Variants in ZDHHC21 observed in about 807,000 individuals in gnomAD.
The protein encoded by ZDHHC21 is zDHHC palmitoyltransferase 21.
A neutral mutation model predicts 34.6 loss-of-function variants in ZDHHC21; 15 were observed. The observed-to-expected ratio is 0.43, with a 90% CI of 0.29 to 0.67. ZDHHC21 has a LOEUF of 0.67. Ranked by LOEUF, ZDHHC21 falls within the 30% of genes least tolerant of loss-of-function variation. The pLI is 0.14. For missense variants in ZDHHC21, 344 were observed against 327.7 expected (o/e 1.05, Z -0.38); for synonymous variants, 142 against 101.8 (o/e 1.40, Z -2.38).
chr9:14,633,798 T>C (rs968994774), intron 8 of ZDHHC21, among the ~76,000 whole-genome samples: 8 of 152,082 alleles, frequency 5.3e-5, no homozygotes, highest in Admixed American at 5.2e-4. Flanking sequence ...CAGGCTGAAG[T>C]ACAAGCAAAG....
the ZDHHC21 span, among the ~76,000 whole-genome samples, chr9:14,600,783 G>A: frequency 2.0e-5 from 3 of 152,138 alleles, no homozygotes; most frequent in African/African-American, 7.2e-5. Flanking sequence ...AAACAGCATG[G>A]TACTGGTATG....
intron 6 of ZDHHC21, 31 bp from the exon 7 acceptor site, chr9:14,658,918 T>C: frequency 5.0e-6 from 8 of 1,589,974 alleles, no homozygotes; most frequent in Non-Finnish European, 6.8e-6. Context: ...AGAAACAATA[T>C]TTTAAATTTC....
intron 7 of ZDHHC21, among the ~76,000 whole-genome samples, chr9:14,657,264 C>T (rs945805459): frequency 2.6e-5 from 4 of 152,134 alleles, no homozygotes; most frequent in Admixed American, 6.5e-5. Context: ...TGTTTCCTCC[C>T]TCTGAGAGTT....
chr9:14,657,400 G>T (rs1832439967), intron 7 of ZDHHC21, among the ~76,000 whole-genome samples: 1 of 152,050 alleles, frequency 6.6e-6, no homozygotes. Context: ...ATTCAGAGAG[G>T]TTAAACAATG....
In ZDHHC21 at chr9:14,663,516, T is replaced by C. The variant is rs1023920165; in HGVS notation, c.254-1190A>G. ...AGATTTTTTTTTTTTTTTACCAATA[T>C]TGATATTTTTATTTCTTTTTTTTCT... On this transcript the variant is annotated intron_variant, in intron 5 of 9. Transcript: ENST00000380916. Among the ~76,000 whole-genome samples, 6 of 151,500 alleles carry C rather than the reference T, an allele frequency of 4.0e-5. No homozygotes were observed. The East Asian group carries it at 1.2e-3, about 29-fold the overall frequency.
rs1200678623 is a variant in ZDHHC21 at position 14,612,340 on chromosome 9, C to T, written c.*6626G>A. Reference sequence around the variant, plus strand: ...AATGTCTGCCTTTCCAATATACACACTGTCACCTTCTTGCCAGAATGATTA... The same window carrying T: ...AATGTCTGCCTTTCCAATATACACATTGTCACCTTCTTGCCAGAATGATTA... On this transcript the variant is annotated 3_prime_UTR_variant, in exon 10 of 10. Coordinates refer to ENST00000380916, the MANE Select transcript of ZDHHC21 (RefSeq NM_178566.6). 1 of 151,946 alleles carries T rather than the reference C, an allele frequency of 6.6e-6. No homozygotes were observed. The highest frequency in any genetic ancestry group is 1.5e-5 in the Non-Finnish European group (1 of 67,934). 9.4% of individuals were successfully genotyped at this position (151,946 alleles called of 1,614,324 possible).
At chr9:14,608,759 G>A (rs1404005465), downstream of ZDHHC21, among the ~76,000 whole-genome samples, 1 of 151,298 alleles carries the variant, frequency 6.6e-6, no homozygotes, top group African/African-American at 2.4e-5. Flanking sequence ...AATTGCTCTT[G>A]CACGCTAATA....
At chr9:14,685,964 C>A (rs1300071859) in intron 2 of ZDHHC21, among the ~76,000 whole-genome samples, 1 of 151,430 alleles carries the variant, frequency 6.6e-6, no homozygotes, top group Admixed American at 6.6e-5. Flanking sequence ...GACAGAAAAC[C>A]AAACACCACA....
chr9:14,654,712 T>G (rs1172002467), intron 7 of ZDHHC21, among the ~76,000 whole-genome samples: 1 of 151,972 alleles, frequency 6.6e-6, no homozygotes, highest in African/African-American at 2.4e-5. Flanking sequence ...ATATAATAAC[T>G]GAATTAAGAA....
intron 8 of ZDHHC21, among the ~76,000 whole-genome samples, chr9:14,631,555 A>G (rs984742021): frequency 6.6e-6 from 1 of 152,220 alleles, no homozygotes; most frequent in Non-Finnish European, 1.5e-5. Flanking sequence ...ATAACTTGGC[A>G]ATTTGGCACA....
In ZDHHC21 at chr9:14,616,216, A is replaced by C. The variant is rs1008761912; in HGVS notation, c.*2750T>G. 3.3e-5 allele frequency: 5 copies of C among 151,752 alleles called. No homozygotes were observed. Among genetic ancestry groups the C allele is most frequent in the Non-Finnish European group, 7.4e-5 (5 of 67,754 alleles). The allele number at this position is 151,752 out of a possible 1,614,324, so 9.4% of individuals were successfully genotyped here. ...ACAATACATTTCTATGTTTTGTAAT[A>C]AATTGGTAATTTCAAAGTAACAGCT... On this transcript the variant is annotated 3_prime_UTR_variant, in exon 10 of 10. Transcript: ENST00000380916.
chr9:14,674,800 T>A (rs1836070933), intron 3 of ZDHHC21, among the ~76,000 whole-genome samples: 1 of 151,946 alleles, frequency 6.6e-6, no homozygotes, highest in Non-Finnish European at 1.5e-5. Flanking sequence ...GACTGATGGG[T>A]CACACAAGTC....
chr9:14,664,121 C>A (rs1833920052), intron 5 of ZDHHC21, among the ~76,000 whole-genome samples: 1 of 152,130 alleles, frequency 6.6e-6, no homozygotes. Context: ...CTAGGGAGTG[C>A]CAGACAGTGG....
rs537272659 is a variant in ZDHHC21 at position 14,616,041 on chromosome 9, G to C, written c.*2925C>G. 7 of 151,456 alleles carry C rather than the reference G, an allele frequency of 4.6e-5. No individual in the cohort carries two copies. The highest frequency in any genetic ancestry group is 3.4e-3 in the Middle Eastern group (1 of 290). 9.4% of individuals were successfully genotyped at this position (151,456 alleles called of 1,614,324 possible). A position where few individuals can be genotyped will look rare whatever the true frequency, so the allele number is the denominator to read the frequency against. On this transcript the variant is annotated 3_prime_UTR_variant, in exon 10 of 10. Transcript: ENST00000380916. ...AATGTAAAAAAAAGAACAAAGAAAA[G>C]GAAAATTATACAAAGAATCATTAAT...
At chr9:14,674,126 C>A in intron 4 of ZDHHC21, 61 bp downstream of exon 4, 1 of 1,222,770 alleles carries the variant, frequency 8.2e-7, no homozygotes, top group Non-Finnish European at 1.1e-6. Context: ...GGCACTACAC[C>A]CCAAAAACGT....
chr9:14,602,521 C>T, the ZDHHC21 span, among the ~76,000 whole-genome samples: 1 of 151,682 alleles, frequency 6.6e-6, no homozygotes, highest in East Asian at 1.9e-4. Flanking sequence ...CAGGTCTTTT[C>T]CAATGCACAC....
intron 7 of ZDHHC21, among the ~76,000 whole-genome samples, chr9:14,643,441 T>C (rs1360929672): frequency 6.6e-6 from 1 of 152,210 alleles, no homozygotes; most frequent in Non-Finnish European, 1.5e-5. Flanking sequence ...CAGCTGCATA[T>C]TGCAAATATC....
At chr9:14,623,631 CA>C (rs1276135774) in intron 8 of ZDHHC21, among the ~76,000 whole-genome samples, 15 of 105,904 alleles carry the variant, frequency 1.4e-4, no homozygotes, top group Admixed American at 7.5e-4. Flanking sequence ...ATAAGGAACA[CA>C]AACAACTCAA....
chr9:14,605,817 T>C, the ZDHHC21 span, among the ~76,000 whole-genome samples: 1 of 152,200 alleles, frequency 6.6e-6, no homozygotes, highest in Non-Finnish European at 1.5e-5. Flanking sequence ...TCAGATCTTA[T>C]GTGTTGTTAA....
Sources: allele counts gnomAD v4.1 joint callset (sites outside exome capture counted in the v4.1 genomes callset), GRCh38; gene constraint gnomAD v4.1.1; transcripts MANE v1.5; gene names NCBI Gene and HGNC (gene_info 2026-07-23, HGNC 2026-07-21).